LAMA1: variants seen among roughly 807,000 people sequenced by gnomAD.
LAMA1 encodes laminin subunit alpha-1.
A neutral mutation model predicts 348.7 loss-of-function variants in LAMA1; 219 were observed. The ratio of observed to expected loss-of-function variants is 0.63; its 90% CI spans 0.56 to 0.70. The LOEUF is 0.70. Among genes scored for constraint, LAMA1 ranks in the 30% least tolerant of loss-of-function variants. The pLI is 0.00. For missense variants in LAMA1, 3,744 were observed against 3,888.0 expected (o/e 0.96, Z 0.99); for synonymous variants, 1,487 against 1,491.0 (o/e 1.00, Z 0.06).
intron 3 of LAMA1, among the ~76,000 whole-genome samples, chr18:7,057,471 C>CTTTTTTTTTTTTTT (rs552843703): frequency 1.7e-4 from 15 of 90,802 alleles, no homozygotes; most frequent in Non-Finnish European, 2.9e-4. Flanking sequence ...CTTTTCTTTT[C>CTTTTTTTTTTTTTT]TTTTTTTTTT....
chr18:7,103,111 C>A (rs1749107585), intron 1 of LAMA1, among the ~76,000 whole-genome samples: 2 of 152,156 alleles, frequency 1.3e-5, no homozygotes, highest in Admixed American at 6.5e-5. Flanking sequence ...ACCTTGTATT[C>A]TGGTTTAGAA....
chr18:7,081,206 C>T (rs1477769905), intron 1 of LAMA1, among the ~76,000 whole-genome samples: 2 of 151,976 alleles, frequency 1.3e-5, no homozygotes, highest in Admixed American at 6.6e-5. Flanking sequence ...GTTCACTGTA[C>T]AATTCTTTCC....
chr18:6,998,889 C>T (rs891714111), intron 32 of LAMA1, among the ~76,000 whole-genome samples: 1 of 152,058 alleles, frequency 6.6e-6, no homozygotes, highest in African/African-American at 2.4e-5. Context: ...AAAAATTAGC[C>T]AGGCAAGGTG....
intron 12 of LAMA1, among the ~76,000 whole-genome samples, chr18:7,036,369 T>C (rs1322899430): frequency 6.6e-6 from 1 of 152,266 alleles, no homozygotes; most frequent in Non-Finnish European, 1.5e-5. Flanking sequence ...TATAAACTTT[T>C]GTTAATCACA....
At chr18:7,043,011 C>T (rs1427058688) in intron 8 of LAMA1, 3 of 579,966 alleles carry the variant, frequency 5.2e-6, no homozygotes, top group Non-Finnish European at 9.1e-6. Flanking sequence ...GCTAATGGAC[C>T]CCTGAATTCA....
At chr18:7,101,840 ATT>A (rs34199422) in intron 1 of LAMA1, among the ~76,000 whole-genome samples, 66 of 131,708 alleles carry the variant, frequency 5.0e-4, no homozygotes, top group African/African-American at 7.2e-4. Context: ...GCTAATTTCT[ATT>A]TTTTTTTTTT....
intron 29 of LAMA1, among the ~76,000 whole-genome samples, chr18:7,003,986 C>G (rs1016289099): frequency 2.6e-5 from 4 of 152,098 alleles, no homozygotes; most frequent in Non-Finnish European, 5.9e-5. Flanking sequence ...GTGTTAATGG[C>G]ATGGCCTAAA....
intron 3 of LAMA1, among the ~76,000 whole-genome samples, chr18:7,058,059 C>T (rs901620907): frequency 5.3e-5 from 8 of 152,070 alleles, no homozygotes; most frequent in African/African-American, 1.7e-4. Context: ...GTCTCAGCCT[C>T]CCAAAGTGCT....
At chr18:7,054,255 T>A (rs890301392) in intron 3 of LAMA1, among the ~76,000 whole-genome samples, 1 of 152,306 alleles carries the variant, frequency 6.6e-6, no homozygotes, top group African/African-American at 2.4e-5. Flanking sequence ...AAAACATTCA[T>A]CATTTAACAA....
chr18:7,019,973 T>A (rs905640509), intron 19 of LAMA1, among the ~76,000 whole-genome samples: 2 of 152,248 alleles, frequency 1.3e-5, no homozygotes, highest in East Asian at 3.9e-4. Context: ...TGAACCACCA[T>A]GCCCGGCCTA....
chr18:7,058,480 T>C (rs998737344), intron 3 of LAMA1, among the ~76,000 whole-genome samples: 2 of 152,222 alleles, frequency 1.3e-5, no homozygotes, highest in African/African-American at 2.4e-5. Context: ...AAGTCATACA[T>C]TGAAGTTCTA....
chr18:7,108,468 C>T (rs1316969559), intron 1 of LAMA1, among the ~76,000 whole-genome samples: 3 of 151,668 alleles, frequency 2.0e-5, no homozygotes. Flanking sequence ...CAAGACCAGC[C>T]CCGCCAACAT....
chr18:7,044,162 C>CAAAAAAAAAAA (rs60402984), intron 7 of LAMA1, among the ~76,000 whole-genome samples: 1 of 40,220 alleles, frequency 2.5e-5, no homozygotes, highest in African/African-American at 6.7e-5. Flanking sequence ...GACTCCATCT[C>CAAAAAAAAAAA]AAAAAAAAAA....
intron 42 of LAMA1, among the ~76,000 whole-genome samples, chr18:6,979,718 T>C (rs1425784394): frequency 1.3e-5 from 2 of 152,016 alleles, no homozygotes; most frequent in Admixed American, 6.5e-5. Flanking sequence ...GCTAACACGG[T>C]GAAACCCCAT....
intron 1 of LAMA1, among the ~76,000 whole-genome samples, chr18:7,100,681 C>A (rs903239990): frequency 2.6e-5 from 4 of 152,050 alleles, no homozygotes; most frequent in African/African-American, 7.2e-5. Flanking sequence ...AATAGATGAA[C>A]CTAGAAAACA....
intron 3 of LAMA1, among the ~76,000 whole-genome samples, chr18:7,055,804 G>A (rs914446083): frequency 1.3e-5 from 2 of 152,140 alleles, no homozygotes; most frequent in Non-Finnish European, 2.9e-5. Flanking sequence ...AATAAGGCCT[G>A]GGCGTGGTGG....
chr18:7,035,427 AT>A (rs35171103), intron 13 of LAMA1, among the ~76,000 whole-genome samples: 99 of 147,764 alleles, frequency 6.7e-4, no homozygotes, highest in East Asian at 1.2e-3. Context: ...TTTACTTAAA[AT>A]TTTTTTTTTT....
chr18:6,971,673 G>A (rs952639723), intron 48 of LAMA1, among the ~76,000 whole-genome samples, 184 bp downstream of exon 48: 2 of 151,920 alleles, frequency 1.3e-5, no homozygotes, highest in African/African-American at 4.8e-5. Flanking sequence ...TTATACCAAT[G>A]TCACAGGATT....
intron 16 of LAMA1, among the ~76,000 whole-genome samples, chr18:7,029,973 A>G (rs2057961130): frequency 6.8e-6 from 1 of 147,480 alleles, no homozygotes; most frequent in Non-Finnish European, 1.5e-5. Context: ...TTTACAATAT[A>G]TTAGAAAAAA....
Sources: allele counts gnomAD v4.1 joint callset (sites outside exome capture counted in the v4.1 genomes callset), GRCh38; gene constraint gnomAD v4.1.1; transcripts MANE v1.5; gene names NCBI Gene and HGNC (gene_info 2026-07-23, HGNC 2026-07-21).